The following CHN2 variants were observed in gnomAD, a reference collection of about 807,000 sequenced individuals.
CHN2 encodes chimerin 2.
CHN2 carries 35 observed loss-of-function variants against 56.3 expected under a neutral mutation model. The ratio of observed to expected loss-of-function variants is 0.62; its 90% confidence interval spans 0.47 to 0.82. CHN2 has a LOEUF of 0.82. Among genes scored for constraint, CHN2 ranks in the 40% least tolerant of loss-of-function variants. The probability of loss-of-function intolerance (pLI) is 0.00; values close to 1 mark genes in which losing one functional copy is unlikely to be tolerated. For missense variants in CHN2, 491 were observed against 580.5 expected (o/e 0.85, Z 1.58); for synonymous variants, 210 against 212.8 (o/e 0.99, Z 0.12).
At chr7:29,321,257 T>C (rs1795319525) in intron 1 of CHN2, among the ~76,000 whole-genome samples, 1 of 152,186 alleles carries the variant, frequency 6.6e-6, no homozygotes, top group Non-Finnish European at 1.5e-5. Flanking sequence ...GAGAATAGAT[T>C]TGTTTCAGCC....
chr7:29,494,549 T>A (rs1789032051), intron 7 of CHN2, among the ~76,000 whole-genome samples: 1 of 152,152 alleles, frequency 6.6e-6, no homozygotes. Flanking sequence ...TCTGCATTCC[T>A]GTTAAAAAAT....
chr7:29,400,514 G>C (rs532994878), intron 5 of CHN2, 29 bp from the exon 6 acceptor site: 2 of 1,608,928 alleles, frequency 1.2e-6, no homozygotes, highest in Non-Finnish European at 1.7e-6. Flanking sequence ...TTCTAACGTG[G>C]TTGTAATCCC....
At chr7:29,499,219 A>G (rs1371584318) in intron 8 of CHN2, among the ~76,000 whole-genome samples, 3 of 152,200 alleles carry the variant, frequency 2.0e-5, no homozygotes, top group Admixed American at 1.3e-4. Context: ...GTATTGTTAT[A>G]AACTCTCAAG....
intron 1 of CHN2, among the ~76,000 whole-genome samples, chr7:29,272,251 C>G (rs1253861584): frequency 1.3e-5 from 2 of 152,160 alleles, no homozygotes; most frequent in Non-Finnish European, 2.9e-5. Context: ...AAACTCACCT[C>G]CCTCCTGCAG....
chr7:29,216,895 T>C (rs1785385871), intron 1 of CHN2, among the ~76,000 whole-genome samples: 1 of 152,232 alleles, frequency 6.6e-6, no homozygotes, highest in Non-Finnish European at 1.5e-5. Flanking sequence ...TATTTGTATG[T>C]ACCTGAGGTT....
At chr7:29,273,351 A>ATATATATATATATATATATG in intron 1 of CHN2, among the ~76,000 whole-genome samples, 1 of 49,810 alleles carries the variant, frequency 2.0e-5, no homozygotes, top group African/African-American at 7.6e-5. Flanking sequence ...GTGTATATAT[A>ATATATATATATATATATATG]TATATATATA....
At chr7:29,392,589 A>G (rs1043506639) in intron 3 of CHN2, among the ~76,000 whole-genome samples, 45 of 152,172 alleles carry the variant, frequency 3.0e-4, no homozygotes, top group African/African-American at 1.1e-3. Flanking sequence ...CCTAGGCAGC[A>G]TTGTGAGTGT....
At chr7:29,387,549 A>G (rs1020252219) in intron 3 of CHN2, among the ~76,000 whole-genome samples, 25 of 152,222 alleles carry the variant, frequency 1.6e-4, no homozygotes, top group African/African-American at 5.8e-4. Flanking sequence ...ACTTTAATGT[A>G]TCTATGAATC....
At chr7:29,164,675 G>A (rs1280953613) in intron 2 of CHN2, among the ~76,000 whole-genome samples, 1 of 151,152 alleles carries the variant, frequency 6.6e-6, no homozygotes, top group African/African-American at 2.4e-5. Context: ...CAGCATCCCT[G>A]GTGGCTGAGG....
intron 7 of CHN2, among the ~76,000 whole-genome samples, chr7:29,480,703 T>C (rs1012886607): frequency 3.3e-5 from 5 of 152,350 alleles, no homozygotes; most frequent in East Asian, 3.9e-4. Flanking sequence ...GAGCAGTACT[T>C]TTCCACTCAG....
chr7:29,195,629 A>AGAGAGAGAGAGAGAGAGTGTGT (rs869037854), intron 1 of CHN2, among the ~76,000 whole-genome samples: 467 of 117,344 alleles, frequency 4.0e-3, no homozygotes, highest in East Asian at 0.012. Flanking sequence ...AGAGAGAGAG[A>AGAGAGAGAGAGAGAGAGTGTGT]GTGTGTGTGT....
intron 6 of CHN2, among the ~76,000 whole-genome samples, chr7:29,407,354 A>G (rs1278596258): frequency 6.6e-6 from 1 of 151,748 alleles, no homozygotes; most frequent in Non-Finnish European, 1.5e-5. Flanking sequence ...GGGGGTGGAG[A>G]GGCTTGGTGA....
chr7:29,473,482 T>TTTTTTTTGTG (rs539151442), intron 6 of CHN2, among the ~76,000 whole-genome samples: 49 of 118,194 alleles, frequency 4.1e-4, no homozygotes, highest in African/African-American at 1.5e-3. Flanking sequence ...TTTTTTTTTT[T>TTTTTTTTGTG]TGTGTGTGTG....
chr7:29,367,986 A>G lies in CHN2; in HGVS notation c.143A>G (p.Glu48Gly). 1 of 1,609,716 alleles carries G rather than the reference A, an allele frequency of 6.2e-7. No individual in the cohort carries two copies. The highest frequency in any genetic ancestry group is 8.5e-7 in the Non-Finnish European group (1 of 1,178,120). The stretch of plus-strand genomic sequence containing the variant: ...CCCAAGAGAATCATTTGTCCTCGGG[A>G]GGTCAGTGCTCAGCTATTTCCAATA... ...PRPKRIICPR[E>G]VENRPKYYGR... The change falls in exon 3 of 13, where the codon GAG becomes GGG. Residue 48 changes from glutamate (E) to glycine (G), a missense_variant and splice_region_variant. Glu to Gly is a moderately conservative substitution (Grantham distance 98). Transcript: ENST00000222792.
At chr7:29,446,673 TG>T (rs1692418361) in intron 6 of CHN2, among the ~76,000 whole-genome samples, 1 of 152,314 alleles carries the variant, frequency 6.6e-6, no homozygotes, top group East Asian at 1.9e-4. Context: ...TCTGGGTTAC[TG>T]TTAGGGGTCT....
chr7:29,501,606 T>C (rs1365346191), intron 9 of CHN2, among the ~76,000 whole-genome samples: 1 of 152,080 alleles, frequency 6.6e-6, no homozygotes, highest in Non-Finnish European at 1.5e-5. Context: ...AAGAGCGAGA[T>C]AGAGTAGCAC....
intron 2 of CHN2, among the ~76,000 whole-genome samples, chr7:29,160,936 CCT>C (rs1173036832): frequency 6.6e-6 from 1 of 152,096 alleles, no homozygotes; most frequent in Non-Finnish European, 1.5e-5. Context: ...ATCTGTCACC[CCT>C]GAGATAATAT....
At chr7:29,433,578 T>C (rs1238334399) in intron 6 of CHN2, among the ~76,000 whole-genome samples, 1 of 152,190 alleles carries the variant, frequency 6.6e-6, no homozygotes, top group Non-Finnish European at 1.5e-5. Flanking sequence ...GACTCACGCC[T>C]GTAATCCTGG....
At chr7:29,453,616 T>G (rs994392463) in intron 6 of CHN2, among the ~76,000 whole-genome samples, 13 of 152,144 alleles carry the variant, frequency 8.5e-5, no homozygotes, top group Non-Finnish European at 1.0e-4. Context: ...CAATCCTGCT[T>G]GTACCAAAGA....
Sources: allele counts gnomAD v4.1 joint callset (sites outside exome capture counted in the v4.1 genomes callset), GRCh38; gene constraint gnomAD v4.1.1; transcripts MANE v1.5; gene names NCBI Gene and HGNC (gene_info 2026-07-23, HGNC 2026-07-21).